DNAH10: variants seen among roughly 807,000 people sequenced by gnomAD.
The protein encoded by DNAH10 is dynein axonemal heavy chain 10.
Under a neutral mutation model 506.6 loss-of-function variants are expected in DNAH10, and 348 were observed. The observed-to-expected ratio is 0.69, with a 90% CI of 0.63 to 0.75. DNAH10 has a LOEUF of 0.75. Among genes scored for constraint, DNAH10 ranks in the 30% least tolerant of loss-of-function variants. DNAH10 has a pLI of 0.00. For missense variants in DNAH10, 5,179 were observed against 5,787.1 expected (o/e 0.89, Z 3.41); for synonymous variants, 2,059 against 2,198.6 (o/e 0.94, Z 1.78).
At chr12:123,929,853 C>T (rs2137702296) in intron 72 of DNAH10, 94 bp downstream of exon 72, 1 of 1,100,202 alleles carries the variant, frequency 9.1e-7, no homozygotes, top group East Asian at 2.6e-5. Flanking sequence ...CAGAACCAGC[C>T]TCTTCTGCCC....
chr12:123,807,914 AGG>A (rs1958757645), intron 18 of DNAH10, among the ~76,000 whole-genome samples: 1 of 1,142 alleles, frequency 8.8e-4, no homozygotes, highest in Non-Finnish European at 1.8e-3. Context: ...GGGGAGAGAG[AGG>A]AGAGAGAAGG....
At chr12:123,879,872 C>A in intron 50 of DNAH10, 71 bp downstream of exon 50, 2 of 1,542,372 alleles carry the variant, frequency 1.3e-6, no homozygotes, top group South Asian at 1.2e-5. Flanking sequence ...AGCTGAGCAT[C>A]GCGCGGGTGC....
chr12:123,875,655 C>A (rs1952225715), intron 47 of DNAH10, among the ~76,000 whole-genome samples, 164 bp downstream of exon 47: 2 of 152,168 alleles, frequency 1.3e-5, no homozygotes, highest in Non-Finnish European at 2.9e-5. Flanking sequence ...AGAAAAAAAT[C>A]ATCTTTATAC....
At chr12:123,782,553 A>G (rs576301574) in intron 6 of DNAH10, among the ~76,000 whole-genome samples, 50 of 151,140 alleles carry the variant, frequency 3.3e-4, no homozygotes, top group African/African-American at 1.2e-3. Flanking sequence ...CTGGGATTAT[A>G]GGCACACACC....
At chr12:123,910,399 T>C in intron 58 of DNAH10, 137 bp from the exon 59 acceptor site, 1 of 1,141,974 alleles carries the variant, frequency 8.8e-7, no homozygotes, top group Non-Finnish European at 1.2e-6. Flanking sequence ...CACCACGCTG[T>C]TGGCCGTAGG....
Position 123,859,679 on chromosome 12 carries a change from C to T in DNAH10, c.6749+411C>T, listed in dbSNP as rs926200470. Among the ~76,000 whole-genome samples the T allele has an allele frequency of 5.3e-5, 8 of 152,150 alleles. No individual in the cohort carries two copies. The South Asian group carries it at 1.0e-3, about 20-fold the overall frequency. On this transcript the variant is annotated intron_variant, in intron 38 of 78. Transcript: ENST00000673944. ...GTCACCTCCCCGGGTGCCTTATAAT[C>T]GCTAGCCCTTCGGGGGCAATTCTTC... is the stretch of plus-strand genomic sequence containing the variant.
intron 16 of DNAH10, among the ~76,000 whole-genome samples, chr12:123,801,710 G>A (rs1297945496): frequency 6.6e-6 from 1 of 152,068 alleles, no homozygotes; most frequent in African/African-American, 2.4e-5. Context: ...AATGTAATTT[G>A]GAGGTAATTA....
rs756035736 is a variant in DNAH10 at position 123,845,793 on chromosome 12, G to A, written c.5554G>A (p.Asp1852Asn). Residue 1852 changes from aspartate (D) to asparagine (N), a missense_variant, in exon 31 of 79, where the codon GAC becomes AAC. Around this residue, in one of 3 missense-constraint regions of DNAH10, gnomAD observed 4,844 missense variants for 5,430.5 expected, o/e 0.89. Transcript: ENST00000673944. ...CATCACCATGCCGCTAAGCAAAAAC[G>A]ACAGGAAAAAATACAACACTGTTCT... ...TRITMPLSKN[D>N]RKKYNTVLII... The A allele has an allele frequency of 1.1e-5, 18 of 1,613,854 alleles. No homozygotes were observed. The highest frequency in any genetic ancestry group is 1.3e-5 in the African/African-American group (1 of 74,910).
Position 123,879,616 on chromosome 12 carries a change from G to A in DNAH10, c.8467-18G>A, listed in dbSNP as rs1408109721. On this transcript the variant is annotated intron_variant, in intron 49 of 78. Transcript: ENST00000673944. ...ACTGTTGTTGAGTTTGGGTCCTTAAGTGGGCTTCTGTTTCAAGGTACAACA... is the reference window on the plus strand; with the variant it reads ...ACTGTTGTTGAGTTTGGGTCCTTAAATGGGCTTCTGTTTCAAGGTACAACA... 1.2e-5 allele frequency: 20 copies of A among 1,613,620 alleles called. No individual in the cohort carries two copies. The East Asian group carries it at 4.5e-4, about 36-fold the overall frequency.
At chr12:123,879,533 G>T in intron 49 of DNAH10, 101 bp from the exon 50 acceptor site, 1 of 1,531,514 alleles carries the variant, frequency 6.5e-7, no homozygotes, top group Non-Finnish European at 8.8e-7. Context: ...AAAATAGAAC[G>T]CAAATTATTT....
intron 18 of DNAH10, among the ~76,000 whole-genome samples, chr12:123,805,759 T>G (rs1401704813): frequency 6.6e-6 from 1 of 151,790 alleles, no homozygotes; most frequent in Non-Finnish European, 1.5e-5. Flanking sequence ...AGCCTCACAT[T>G]TTTCTCTTCT....
chr12:123,842,040 T>C (rs117478677), intron 30 of DNAH10, among the ~76,000 whole-genome samples: 1,878 of 152,302 alleles, frequency 0.012, 27 homozygotes, highest in Non-Finnish European at 0.019. Context: ...CTTTCAATGA[T>C]CACCCGATGC....
intron 13 of DNAH10, among the ~76,000 whole-genome samples, chr12:123,798,130 TA>T (rs767691983): frequency 3.9e-4 from 60 of 152,368 alleles, no homozygotes; most frequent in Admixed American, 1.2e-3. Flanking sequence ...AAGCTGTTCT[TA>T]GTTCATGGGT....
chr12:123,847,688 T>G (rs1160492180), intron 32 of DNAH10, among the ~76,000 whole-genome samples: 1 of 152,234 alleles, frequency 6.6e-6, no homozygotes, highest in Admixed American at 6.5e-5. Context: ...CTGTTCAGTC[T>G]TTAATGGATT....
At chr12:123,887,414 C>G in intron 52 of DNAH10, 101 bp downstream of exon 52, 2 of 1,362,980 alleles carry the variant, frequency 1.5e-6, no homozygotes, top group Non-Finnish European at 1.9e-6. Context: ...TGTGGGTAGC[C>G]CTGTGCGGGT....
Position 123,785,636 on chromosome 12 carries a change from G to GAAAAA in DNAH10, c.1231-96_1231-92dup. The GAAAAA allele has an allele frequency of 4.3e-6, 3 of 704,982 alleles. No homozygotes were observed. The highest frequency in any genetic ancestry group is 5.9e-6 in the Non-Finnish European group (3 of 507,768). 43.7% of individuals were successfully genotyped at this position (704,982 alleles called of 1,614,324 possible). A position where few individuals can be genotyped will look rare whatever the true frequency, so the allele number is the denominator to read the frequency against. ...CCTGGGCACCAGACTTGGTCTCAAG[G>GAAAAA]AAAAAAAAAAAAAAAAAAGAGTGAA... On this transcript the variant is annotated intron_variant, in intron 8 of 78. Coordinates refer to ENST00000673944, the MANE Select transcript of DNAH10 (RefSeq NM_001372106.1). The surrounding 1 kb of genome is among the most constrained non-coding windows in gnomAD (Gnocchi z 4.1).
rs772223474 is a variant in DNAH10, at chr12:123,931,691, A to C, written c.12972A>C (p.Glu4324Asp). ...ATTATATTGGCCAAGTGGCCAAAGA[A>C]ATAGAAAACAAGATGCCCAAAGTCT... ...RDDYIGQVAKEIENKMPKVFD... is the reference protein window; with the variant it reads ...RDDYIGQVAKDIENKMPKVFD... Residue 4324 changes from glutamate to aspartate, a missense_variant, in exon 75 of 79, where the codon GAA becomes GAC. Transcript: ENST00000673944. 2 of 1,614,038 alleles carry C rather than the reference A, an allele frequency of 1.2e-6. No homozygotes were observed. Among genetic ancestry groups the C allele is most frequent in the Non-Finnish European group, 1.7e-6 (2 of 1,179,914 alleles).
At chr12:123,834,404 C>T (rs1207472938) in intron 27 of DNAH10, among the ~76,000 whole-genome samples, 40 of 152,224 alleles carry the variant, frequency 2.6e-4, no homozygotes, top group Non-Finnish European at 7.4e-5. Context: ...GATAGGGTTT[C>T]ACCATGTTGG....
In DNAH10 at chr12:123,787,982, G is replaced by T; in HGVS notation, c.1600G>T (p.Asp534Tyr). 6.4e-7 allele frequency: 1 copy of T among 1,573,616 alleles called. No homozygotes were observed. Among genetic ancestry groups the T allele is most frequent in the Non-Finnish European group, 8.6e-7 (1 of 1,158,994 alleles). Residue 534 changes from aspartate (D) to tyrosine (Y), a missense_variant, in exon 10 of 79, where the codon GAC becomes TAC. Around this residue, in one of 3 missense-constraint regions of DNAH10, gnomAD observed 4,844 missense variants for 5,430.5 expected, o/e 0.89. Coordinates refer to ENST00000673944, the MANE Select transcript of DNAH10 (RefSeq NM_001372106.1). The surrounding 1 kb of genome is among the most constrained non-coding windows in gnomAD (Gnocchi z 4.6). ...GGATTATATGGCCACCATCTGCCAG[G>T]ACCTCTCCGACGTTCTGCAGGTAGG... ...RTDYMATICQ[D>Y]LSDVLQILEE...
Sources: allele counts gnomAD v4.1 joint callset (sites outside exome capture counted in the v4.1 genomes callset), GRCh38; gene constraint gnomAD v4.1.1; regional missense constraint gnomAD v4.1.1; non-coding constraint Gnocchi (gnomAD v3.1); transcripts MANE v1.5; gene names NCBI Gene and HGNC (gene_info 2026-07-23, HGNC 2026-07-21).